Variants in CKM observed in about 807,000 individuals in gnomAD.
CKM encodes creatine kinase, M-type.
In CKM, 28 loss-of-function variants were observed where a neutral mutation model predicts 35.4. That is an observed-to-expected ratio of 0.79 (90% confidence interval 0.59 to 1.08). CKM has a LOEUF of 1.08. Among genes scored for constraint, CKM ranks in the 50% least tolerant of loss-of-function variants. CKM has a pLI of 0.00. For missense variants in CKM, 484 were observed against 509.8 expected (o/e 0.95, Z 0.49); for synonymous variants, 215 against 204.4 (o/e 1.05, Z -0.44).
rs927123187 is a variant in CKM, at chr19:45,319,872, G to A, written c.-18-141C>T. ...GTGGCACGATCTCGGCTCACTGCAA[G>A]CTCCACCTCCTGGGTTCACACCATT... On this transcript the variant is annotated intron_variant, in intron 1 of 7. Coordinates refer to ENST00000221476, the MANE Select transcript of CKM (RefSeq NM_001824.5). The A allele has an allele frequency of 3.1e-6, 2 of 648,544 alleles. 1 individual carries two copies. Among genetic ancestry groups the A allele is most frequent in the Non-Finnish European group, 5.3e-6 (2 of 379,534 alleles). The allele number at this position is 648,544 out of a possible 1,614,324, so 40.2% of individuals were successfully genotyped here.
intron 1 of CKM, among the ~76,000 whole-genome samples, chr19:45,320,117 C>T (rs188467820): frequency 4.5e-4 from 67 of 147,402 alleles, no homozygotes; most frequent in African/African-American, 1.7e-3. Flanking sequence ...GATGGAGTCT[C>T]ACTCTGTTAC....
intron 1 of CKM, among the ~76,000 whole-genome samples, chr19:45,320,319 A>G (rs1179925699): frequency 7.3e-6 from 1 of 136,852 alleles, no homozygotes; most frequent in East Asian, 2.3e-4. Context: ...CTGGTCTCGA[A>G]CTCCTGGCCT....
In CKM at chr19:45,311,708, G is replaced by T. The variant is rs1390414611; in HGVS notation, c.653+41C>A. 5 of 1,522,738 alleles carry T rather than the reference G, an allele frequency of 3.3e-6. No homozygotes were observed. In the Admixed American group the frequency reaches 5.9e-5, roughly 18 times the overall value. The allele number at this position is 1,522,738 out of a possible 1,614,324, so 94.3% of individuals were successfully genotyped here. A position where few individuals can be genotyped will look rare whatever the true frequency, so the allele number is the denominator to read the frequency against. ...GAGGGCCGTTGCAGGACTGGAGGAG[G>T]CTGGGGGAAGAGGAAGCCAGGGGGC... On this transcript the variant is annotated intron_variant, in intron 5 of 7. Transcript: ENST00000221476.
At chr19:45,309,436 G>A (rs1474905838) in intron 5 of CKM, among the ~76,000 whole-genome samples, 1 of 150,850 alleles carries the variant, frequency 6.6e-6, no homozygotes, top group East Asian at 2.0e-4. Context: ...CATGCCTGTA[G>A]TCCAAGCCAC....
At chr19:45,317,497 G>A (rs1971169767) in intron 3 of CKM, among the ~76,000 whole-genome samples, 1 of 152,032 alleles carries the variant, frequency 6.6e-6, no homozygotes, top group East Asian at 1.9e-4. Context: ...ATGTTGGTCA[G>A]GCTGGTCTCA....
intron 3 of CKM, among the ~76,000 whole-genome samples, chr19:45,316,334 A>AG (rs1232418476): frequency 6.6e-6 from 1 of 150,424 alleles, no homozygotes; most frequent in Non-Finnish European, 1.5e-5. Flanking sequence ...TGTCTCAAAA[A>AG]AAAAAAAAAA....
At position 45,308,478 on chromosome 19, in the gene CKM, C is replaced by G. The variant is rs756749534; in HGVS notation, c.708G>C (p.Arg236=). 1 of 1,614,064 alleles carries G rather than the reference C, an allele frequency of 6.2e-7. No individual in the cohort carries two copies. Among genetic ancestry groups the G allele is most frequent in the Non-Finnish European group, 8.5e-7 (1 of 1,179,960 alleles). The change falls in exon 6 of 8, where the codon CGG becomes CGC. Residue 236 remains arginine, a synonymous_variant. Coordinates refer to ENST00000221476, the MANE Select transcript of CKM (RefSeq NM_001824.5). Reference sequence around the variant, plus strand: ...TGCCCCCCTTCTCCATGGAGATGACCCGGAGGTGATCCTCCTCGTTCACCC... The same window carrying G: ...TGCCCCCCTTCTCCATGGAGATGACGCGGAGGTGATCCTCCTCGTTCACCC... ...LVWVNEEDHL[R]VISMEKGGNM...
At chr19:45,320,553 T>C (rs1971204094) in intron 1 of CKM, among the ~76,000 whole-genome samples, 1 of 152,180 alleles carries the variant, frequency 6.6e-6, no homozygotes, top group Non-Finnish European at 1.5e-5. Flanking sequence ...CTCTGCCGTA[T>C]CCCAGTTGGG....
At chr19:45,312,952 T>TAA (rs35930252) in intron 4 of CKM, among the ~76,000 whole-genome samples, 5,059 of 135,876 alleles carry the variant, frequency 0.037, 101 homozygotes, top group Middle Eastern at 0.061. Flanking sequence ...AGATTCTGTC[T>TAA]AAAAAAAAAA....
At chr19:45,319,928 A>C (rs574779024) in intron 1 of CKM, among the ~76,000 whole-genome samples, 197 bp from the exon 2 acceptor site, 160 of 147,928 alleles carry the variant, frequency 1.1e-3, no homozygotes, top group East Asian at 3.1e-3. Flanking sequence ...GTAGCTGGGA[A>C]TACAGGCGCC....
intron 4 of CKM, among the ~76,000 whole-genome samples, chr19:45,314,072 G>T (rs574763820): frequency 2.7e-5 from 4 of 150,580 alleles, no homozygotes; most frequent in Non-Finnish European, 5.9e-5. Flanking sequence ...AGGAAGGGAG[G>T]GAGGAAAGAA....
rs528077307 is a variant in CKM, at chr19:45,309,051, C to A, written c.654-519G>T. Among the ~76,000 whole-genome samples, 99 of 149,734 alleles carry A rather than the reference C, an allele frequency of 6.6e-4. 1 individual carries two copies. The highest frequency in any genetic ancestry group is 2.3e-3 in the African/African-American group (94 of 40,648). On this transcript the variant is annotated intron_variant, in intron 5 of 7. Coordinates refer to ENST00000221476, the MANE Select transcript of CKM (RefSeq NM_001824.5). ...CACCATCCTGGCTAACACGTCGAAA[C>A]CCTGTCTCTACTAAAAAATACAAAA...
At chr19:45,312,000 C>T (rs1199977998) in intron 4 of CKM, 80 bp from the exon 5 acceptor site, 7 of 1,516,020 alleles carry the variant, frequency 4.6e-6, no homozygotes, top group East Asian at 2.3e-5. Context: ...TCCCCTGCTG[C>T]TGCTCCTAAC....
intron 4 of CKM, among the ~76,000 whole-genome samples, chr19:45,314,265 A>C (rs1971137050): frequency 6.6e-6 from 1 of 152,164 alleles, no homozygotes; most frequent in East Asian, 1.9e-4. Context: ...ATCAACATCA[A>C]GGCAAGGCCC....
intron 5 of CKM, 144 bp from the exon 6 acceptor site, chr19:45,308,676 C>G: frequency 9.9e-7 from 1 of 1,014,118 alleles, no homozygotes; most frequent in Non-Finnish European, 1.5e-6. Context: ...CCTCAAAACG[C>G]AGAAGCTTAA....
chr19:45,313,349 A>G (rs1027079726), intron 4 of CKM, among the ~76,000 whole-genome samples: 1 of 152,104 alleles, frequency 6.6e-6, no homozygotes, highest in Non-Finnish European at 1.5e-5. Flanking sequence ...GACCTTGCCC[A>G]TATAAAAGGG....
intron 3 of CKM, among the ~76,000 whole-genome samples, 162 bp downstream of exon 3, chr19:45,317,663 A>G (rs1307855108): frequency 4.0e-5 from 6 of 149,372 alleles, no homozygotes; most frequent in Non-Finnish European, 8.9e-5. Flanking sequence ...CTCAAGTGAT[A>G]CGCTCGCCTC....
intron 4 of CKM, among the ~76,000 whole-genome samples, chr19:45,312,526 G>T (rs115763430): frequency 0.023 from 3,540 of 151,808 alleles, 135 homozygotes; most frequent in African/African-American, 0.08. Flanking sequence ...GGGTTCAAGC[G>T]AATCTCTTGC....
At chr19:45,315,682 T>G in intron 3 of CKM, 85 bp from the exon 4 acceptor site, 1 of 1,541,670 alleles carries the variant, frequency 6.5e-7, no homozygotes, top group Non-Finnish European at 8.7e-7. Context: ...CTCCCCTCAG[T>G]CTCCCTGTTG....
Sources: gnomAD v4.1 joint callset for allele counts (sites outside exome capture counted in the v4.1 genomes callset) on GRCh38, gnomAD v4.1.1 for gene constraint, MANE v1.5 for transcripts, NCBI Gene and HGNC (gene_info 2026-07-23, HGNC 2026-07-21) for gene names.